The following MYRIP variants were observed in gnomAD, a reference collection of about 807,000 sequenced individuals.
MYRIP encodes the protein rab effector MyRIP.
Under a neutral mutation model 98.0 loss-of-function variants are expected in MYRIP, and 49 were observed. The ratio of observed to expected loss-of-function variants is 0.50; its 90% CI spans 0.40 to 0.63. MYRIP has a LOEUF of 0.63. MYRIP is among the 30% of genes least tolerant of loss of function. The pLI is 0.00. For synonymous variants in MYRIP, 404 were observed against 409.5 expected, an observed-to-expected ratio of 0.99 and a Z score of 0.16; for missense variants, 1,004 against 1,058.2, an observed-to-expected ratio of 0.95 and a Z score of 0.71.
intron 11 of MYRIP, among the ~76,000 whole-genome samples, chr3:40,210,756 A>G (rs973881344): frequency 1.3e-5 from 2 of 152,058 alleles, no homozygotes; most frequent in African/African-American, 2.4e-5. Context: ...TAGGCCCCTG[A>G]GTTCCAAAGG....
intron 2 of MYRIP, among the ~76,000 whole-genome samples, chr3:39,965,446 A>G (rs764677214): frequency 4.6e-5 from 7 of 152,052 alleles, no homozygotes; most frequent in Non-Finnish European, 1.0e-4. Flanking sequence ...GTACAGCTTT[A>G]TTTTTTTACT....
chr3:40,088,779 T>G (rs1272457735), intron 3 of MYRIP, among the ~76,000 whole-genome samples: 1 of 152,194 alleles, frequency 6.6e-6, no homozygotes, highest in African/African-American at 2.4e-5. Flanking sequence ...GGAGTAGGAT[T>G]ATCTTGAGAA....
intron 13 of MYRIP, among the ~76,000 whole-genome samples, chr3:40,249,421 G>C (rs1181551362): frequency 6.6e-6 from 1 of 152,204 alleles, no homozygotes; most frequent in Non-Finnish European, 1.5e-5. Flanking sequence ...GATGATGGGT[G>C]TATCACTTGT....
At chr3:40,167,009 A>G (rs1260360146) in intron 6 of MYRIP, 66 bp downstream of exon 6, 1 of 1,416,090 alleles carries the variant, frequency 7.1e-7, no homozygotes, top group Non-Finnish European at 1.0e-6. Flanking sequence ...GCCAGGAGAA[A>G]GTGCAGGTTG....
chr3:39,964,131 G>T (rs1033107392), intron 2 of MYRIP, among the ~76,000 whole-genome samples: 1 of 151,786 alleles, frequency 6.6e-6, no homozygotes, highest in Admixed American at 6.6e-5. Context: ...ATTTAAAATG[G>T]GAAAATATTT....
chr3:40,241,474 CA>C (rs1294261854), intron 12 of MYRIP, among the ~76,000 whole-genome samples: 1 of 152,208 alleles, frequency 6.6e-6, no homozygotes, highest in Non-Finnish European at 1.5e-5. Flanking sequence ...AAGTATAATT[CA>C]TGGAAGCCAC....
chr3:39,824,699 C>T (rs941243801), intron 1 of MYRIP, among the ~76,000 whole-genome samples: 2 of 151,188 alleles, frequency 1.3e-5, no homozygotes, highest in African/African-American at 2.4e-5. Context: ...CCTACTAATC[C>T]GACTGATCGT....
At chr3:40,130,503 G>A (rs984459712) in intron 3 of MYRIP, among the ~76,000 whole-genome samples, 6 of 150,462 alleles carry the variant, frequency 4.0e-5, no homozygotes, top group African/African-American at 1.5e-4. Context: ...TCAGCCTCCC[G>A]AGTAGCTGGG....
intron 2 of MYRIP, among the ~76,000 whole-genome samples, chr3:39,959,461 G>T (rs1945262357): frequency 6.6e-6 from 1 of 151,990 alleles, no homozygotes; most frequent in Admixed American, 6.6e-5. Context: ...CTCATAGGTG[G>T]GAATTGAACA....
chr3:39,939,563 G>A (rs1412323661), intron 2 of MYRIP, among the ~76,000 whole-genome samples: 1 of 152,174 alleles, frequency 6.6e-6, no homozygotes, highest in Non-Finnish European at 1.5e-5. Context: ...TGATAGGATA[G>A]TGGGTGGGAT....
At chr3:39,987,276 T>G (rs1030575474) in intron 2 of MYRIP, among the ~76,000 whole-genome samples, 1 of 152,174 alleles carries the variant, frequency 6.6e-6, no homozygotes, top group Non-Finnish European at 1.5e-5. Flanking sequence ...TCTCTTCCTG[T>G]GTTAGTTTGC....
chr3:39,887,369 A>G (rs1943337298), intron 1 of MYRIP, among the ~76,000 whole-genome samples: 1 of 152,118 alleles, frequency 6.6e-6, no homozygotes, highest in Non-Finnish European at 1.5e-5. Flanking sequence ...TAGAGACACA[A>G]AAAACCATTC....
intron 3 of MYRIP, among the ~76,000 whole-genome samples, chr3:40,140,081 C>A (rs1031487426): frequency 6.6e-6 from 1 of 152,136 alleles, no homozygotes; most frequent in African/African-American, 2.4e-5. Context: ...GAAGCCATGT[C>A]TGTGTCTTGG....
At chr3:39,960,345 A>G (rs1945291073) in intron 2 of MYRIP, among the ~76,000 whole-genome samples, 2 of 152,224 alleles carry the variant, frequency 1.3e-5, no homozygotes, top group Non-Finnish European at 2.9e-5. Context: ...TTTATCCCTG[A>G]GACTTTCTTG....
intron 12 of MYRIP, chr3:40,242,489 TG>T (rs1953052749): frequency 7.1e-6 from 1 of 140,478 alleles, no homozygotes; most frequent in South Asian, 2.2e-4. Flanking sequence ...TGCTTTGTCT[TG>T]GCAGGAAAAA....
chr3:40,123,189 T>A (rs1311987359), intron 3 of MYRIP, among the ~76,000 whole-genome samples: 1 of 152,210 alleles, frequency 6.6e-6, no homozygotes, highest in Admixed American at 6.5e-5. Context: ...AGCATCATGT[T>A]TGGATCTTCT....
chr3:40,248,286 A>C (rs912605217), intron 13 of MYRIP: 1 of 152,218 alleles, frequency 6.6e-6, no homozygotes, highest in Non-Finnish European at 1.5e-5. Flanking sequence ...TGCATCATGC[A>C]AGTTGTCTCT....
At chr3:39,945,227 TG>T (rs1402818174) in intron 2 of MYRIP, among the ~76,000 whole-genome samples, 1 of 146,482 alleles carries the variant, frequency 6.8e-6, no homozygotes, top group East Asian at 2.0e-4. Context: ...CCCAGCACTT[TG>T]GGAGGCTGAG....
At chr3:40,105,957 C>A (rs1177816475) in intron 3 of MYRIP, among the ~76,000 whole-genome samples, 2 of 152,020 alleles carry the variant, frequency 1.3e-5, no homozygotes, top group Non-Finnish European at 2.9e-5. Context: ...GGTGGGGACA[C>A]AACCAAACCA....
Sources: gnomAD v4.1 joint callset for allele counts (sites outside exome capture counted in the v4.1 genomes callset) on GRCh38, gnomAD v4.1.1 for gene constraint, MANE v1.5 for transcripts, NCBI Gene and HGNC (gene_info 2026-07-23, HGNC 2026-07-21) for gene names.